KCNK13: variants seen among roughly 807,000 people sequenced by gnomAD.
KCNK13 encodes potassium two pore domain channel subfamily K member 13, also known as potassium channel subfamily K member 13.
In KCNK13, 12 loss-of-function variants were observed where a neutral mutation model predicts 23.4. The observed-to-expected ratio is 0.51, with a 90% CI of 0.33 to 0.83. KCNK13 has a LOEUF of 0.83. Among genes scored for constraint, KCNK13 ranks in the 40% least tolerant of loss-of-function variants. KCNK13 has a pLI of 0.02. For synonymous variants in KCNK13, 231 were observed against 229.5 expected, an observed-to-expected ratio of 1.01 and a Z score of -0.06; for missense variants, 463 against 556.3, an observed-to-expected ratio of 0.83 and a Z score of 1.69.
intron 1 of KCNK13, among the ~76,000 whole-genome samples, chr14:90,133,015 T>C (rs1454324472): frequency 1.3e-5 from 2 of 152,200 alleles, no homozygotes; most frequent in East Asian, 3.9e-4. Flanking sequence ...CTTCATAGCT[T>C]ATCTAACGTT....
intron 1 of KCNK13, among the ~76,000 whole-genome samples, chr14:90,089,647 A>G (rs1257474694): frequency 6.6e-6 from 1 of 152,356 alleles, no homozygotes; most frequent in African/African-American, 2.4e-5. Context: ...AAATATCTCC[A>G]GGGCATGTCA....
intron 1 of KCNK13, among the ~76,000 whole-genome samples, chr14:90,099,498 A>G (rs1009786767): frequency 2.6e-5 from 4 of 152,158 alleles, no homozygotes; most frequent in African/African-American, 9.7e-5. Flanking sequence ...TGGCTCCAGG[A>G]GATTGAGGAT....
chr14:90,158,774 TC>T (rs2140437397), intron 1 of KCNK13, among the ~76,000 whole-genome samples: 1 of 152,314 alleles, frequency 6.6e-6, no homozygotes, highest in African/African-American at 2.4e-5. Context: ...GCTGCGTATG[TC>T]CTACTGGGGG....
At chr14:90,179,717 G>A (rs926895694) in intron 1 of KCNK13, among the ~76,000 whole-genome samples, 3 of 152,140 alleles carry the variant, frequency 2.0e-5, no homozygotes, top group Non-Finnish European at 2.9e-5. Flanking sequence ...AATATATTAC[G>A]TATTGAAAGG....
intron 1 of KCNK13, among the ~76,000 whole-genome samples, chr14:90,065,180 T>C (rs1888993866): frequency 6.6e-6 from 1 of 152,246 alleles, no homozygotes; most frequent in Non-Finnish European, 1.5e-5. Flanking sequence ...ACCACTCATA[T>C]CTTGCATTTT....
intron 1 of KCNK13, among the ~76,000 whole-genome samples, chr14:90,140,497 C>A (rs1365453701): frequency 6.6e-6 from 1 of 152,160 alleles, no homozygotes; most frequent in Admixed American, 6.5e-5. Flanking sequence ...GGGCTGGGGA[C>A]TGTGAGTCAT....
chr14:90,069,030 C>CTTTTT (rs34881625), intron 1 of KCNK13, among the ~76,000 whole-genome samples: 28 of 90,096 alleles, frequency 3.1e-4, no homozygotes, highest in South Asian at 4.3e-4. Context: ...AGTTTTTATT[C>CTTTTT]TTTTTTTTTT....
intron 1 of KCNK13, among the ~76,000 whole-genome samples, chr14:90,178,253 A>AAAAAAT: frequency 6.7e-6 from 1 of 150,144 alleles, no homozygotes; most frequent in Non-Finnish European, 1.5e-5. Flanking sequence ...AAAAAAAAAA[A>AAAAAAT]AAAGGATACC....
intron 1 of KCNK13, among the ~76,000 whole-genome samples, chr14:90,120,902 G>A (rs28628296): frequency 0.29 from 43,624 of 151,240 alleles, 6,393 homozygotes; most frequent in East Asian, 0.38. Context: ...ATGAGCCCAT[G>A]AAATCAAAAG....
At chr14:90,159,181 T>C (rs1158973739) in intron 1 of KCNK13, among the ~76,000 whole-genome samples, 4 of 152,200 alleles carry the variant, frequency 2.6e-5, no homozygotes, top group Non-Finnish European at 1.5e-5. Flanking sequence ...GGCCCTTTTA[T>C]AGTCGGCATT....
intron 1 of KCNK13, among the ~76,000 whole-genome samples, chr14:90,131,420 C>T (rs376446637): frequency 3.3e-5 from 5 of 151,958 alleles, no homozygotes; most frequent in East Asian, 1.9e-4. Flanking sequence ...TTATTAGAGA[C>T]GGGGTTTCAC....
At chr14:90,144,581 C>G (rs998202024) in intron 1 of KCNK13, among the ~76,000 whole-genome samples, 1 of 143,434 alleles carries the variant, frequency 7.0e-6, no homozygotes. Context: ...ATTGCAACCT[C>G]TGCCTCCCAG....
At chr14:90,112,856 T>C (rs543700543) in intron 1 of KCNK13, among the ~76,000 whole-genome samples, 2 of 151,692 alleles carry the variant, frequency 1.3e-5, no homozygotes, top group Non-Finnish European at 2.9e-5. Flanking sequence ...CAAAAAGTAA[T>C]TGATGAACCA....
At chr14:90,103,698 G>C (rs1311458344) in intron 1 of KCNK13, among the ~76,000 whole-genome samples, 2 of 152,056 alleles carry the variant, frequency 1.3e-5, no homozygotes, top group Admixed American at 1.3e-4. Flanking sequence ...GAGTAGCTGG[G>C]ATTATAGGCT....
intron 1 of KCNK13, among the ~76,000 whole-genome samples, chr14:90,078,514 G>C (rs921145130): frequency 1.3e-5 from 2 of 150,536 alleles, no homozygotes; most frequent in African/African-American, 2.5e-5. Context: ...GAAAGAAAAA[G>C]AAAGAATAAA....
chr14:90,076,191 TG>T (rs1408598893), intron 1 of KCNK13, among the ~76,000 whole-genome samples: 1 of 152,244 alleles, frequency 6.6e-6, no homozygotes, highest in Admixed American at 6.5e-5. Flanking sequence ...CAGGTTGCAT[TG>T]GGCTGCATGT....
intron 1 of KCNK13, among the ~76,000 whole-genome samples, chr14:90,126,432 T>TGTGACGTGATGTGACGTGAC (rs901502831): frequency 4.0e-5 from 4 of 99,030 alleles, no homozygotes; most frequent in Non-Finnish European, 7.5e-5. Context: ...ATCCCCTTGA[T>TGTGACGTGATGTGACGTGAC]GTGACGTGAT....
chr14:90,094,899 G>A (rs377504355), intron 1 of KCNK13, among the ~76,000 whole-genome samples: 4 of 152,008 alleles, frequency 2.6e-5, no homozygotes, highest in Admixed American at 6.6e-5. Context: ...CTCCCGGCTC[G>A]GCCTCCCAAA....
At chr14:90,128,479 T>C (rs1889829135) in intron 1 of KCNK13, among the ~76,000 whole-genome samples, 1 of 152,204 alleles carries the variant, frequency 6.6e-6, no homozygotes, top group Non-Finnish European at 1.5e-5. Flanking sequence ...GACTTCTCAC[T>C]GTGTGGCACG....
Sources: allele counts gnomAD v4.1 joint callset (sites outside exome capture counted in the v4.1 genomes callset), GRCh38; gene constraint gnomAD v4.1.1; transcripts MANE v1.5; gene names NCBI Gene and HGNC (gene_info 2026-07-23, HGNC 2026-07-21).